GMDS: variants seen among roughly 807,000 people sequenced by gnomAD.
GMDS encodes the protein GDP-mannose 4,6 dehydratase.
GMDS carries 20 observed loss-of-function variants against 49.9 expected under a neutral mutation model. That is an observed-to-expected ratio of 0.40 (90% CI 0.28 to 0.58). GMDS has a LOEUF of 0.58. GMDS is among the 20% of genes least tolerant of loss of function. GMDS has a pLI of 0.42. For missense variants in GMDS, 362 were observed against 481.4 expected (o/e 0.75, Z 2.32); for synonymous variants, 177 against 178.6 (o/e 0.99, Z 0.07).
intron 9 of GMDS, among the ~76,000 whole-genome samples, chr6:1,696,806 G>A (rs1218931190): frequency 1.3e-5 from 2 of 152,238 alleles, no homozygotes; most frequent in Admixed American, 6.5e-5. Context: ...CAGAGGAAGG[G>A]ACGTGAGTGG....
At chr6:1,723,874 T>C (rs1766481617) in intron 9 of GMDS, among the ~76,000 whole-genome samples, 1 of 152,174 alleles carries the variant, frequency 6.6e-6, no homozygotes, top group African/African-American at 2.4e-5. Context: ...TCAGGACTCA[T>C]ACCAAATGGC....
intron 9 of GMDS, among the ~76,000 whole-genome samples, chr6:1,678,404 C>T (rs1764689450): frequency 6.6e-6 from 1 of 152,096 alleles, no homozygotes; most frequent in South Asian, 2.1e-4. Context: ...TTGTATCCAT[C>T]GATCTCTCAG....
chr6:1,656,904 T>C (rs4406277), intron 9 of GMDS, among the ~76,000 whole-genome samples: 149,140 of 152,218 alleles, frequency 0.98, 73,134 homozygotes, highest in East Asian at 1. Context: ...AGCAGCCTCT[T>C]CCCCAGGAGG....
At chr6:1,800,447 C>CT (rs1561812842) in intron 7 of GMDS, among the ~76,000 whole-genome samples, 2 of 151,830 alleles carry the variant, frequency 1.3e-5, no homozygotes, top group African/African-American at 2.4e-5. Flanking sequence ...CTTTTCTTTT[C>CT]TTTTTTTGAG....
At chr6:2,086,612 T>C (rs1773031123) in intron 4 of GMDS, among the ~76,000 whole-genome samples, 1 of 152,236 alleles carries the variant, frequency 6.6e-6, no homozygotes, top group Non-Finnish European at 1.5e-5. Context: ...CTCCCAGCTT[T>C]TACATACTTT....
At chr6:1,653,780 A>G (rs1351911235) in intron 9 of GMDS, among the ~76,000 whole-genome samples, 3 of 152,206 alleles carry the variant, frequency 2.0e-5, no homozygotes, top group African/African-American at 4.8e-5. Context: ...CTTACCTTAC[A>G]TCGTACATAA....
At chr6:1,848,796 C>T (rs1178394676) in intron 7 of GMDS, among the ~76,000 whole-genome samples, 1 of 152,130 alleles carries the variant, frequency 6.6e-6, no homozygotes, top group East Asian at 1.9e-4. Flanking sequence ...TGAGTGTAGG[C>T]ATCACCTAGG....
chr6:2,127,126 A>T (rs1319844900), intron 1 of GMDS, among the ~76,000 whole-genome samples: 1 of 152,198 alleles, frequency 6.6e-6, no homozygotes, highest in Non-Finnish European at 1.5e-5. Context: ...ACACTGACCA[A>T]TTCAGACCAT....
chr6:1,756,679 G>C (rs1038795170), intron 7 of GMDS, among the ~76,000 whole-genome samples: 1 of 152,234 alleles, frequency 6.6e-6, no homozygotes, highest in African/African-American at 2.4e-5. Context: ...GACTGACTGG[G>C]GCAGTGGGGC....
At chr6:1,796,454 T>C (rs1309090792) in intron 7 of GMDS, among the ~76,000 whole-genome samples, 3 of 152,118 alleles carry the variant, frequency 2.0e-5, no homozygotes, top group Non-Finnish European at 2.9e-5. Flanking sequence ...AGACTGCAAT[T>C]AGGTATACTG....
At chr6:1,666,975 C>T (rs1764257883) in intron 9 of GMDS, among the ~76,000 whole-genome samples, 1 of 152,216 alleles carries the variant, frequency 6.6e-6, no homozygotes, top group African/African-American at 2.4e-5. Context: ...CTAGGACCTT[C>T]ACAGTCTCCA....
At chr6:1,810,992 T>C (rs1770405162) in intron 7 of GMDS, among the ~76,000 whole-genome samples, 1 of 152,170 alleles carries the variant, frequency 6.6e-6, no homozygotes, top group Admixed American at 6.5e-5. Flanking sequence ...TCCTAGTTTT[T>C]TTTTTCCCTC....
At chr6:2,179,579 T>C (rs994413824) in intron 1 of GMDS, among the ~76,000 whole-genome samples, 1 of 152,178 alleles carries the variant, frequency 6.6e-6, no homozygotes, top group Non-Finnish European at 1.5e-5. Flanking sequence ...ATCTTGGAAG[T>C]AGAGAGCAGC....
intron 7 of GMDS, among the ~76,000 whole-genome samples, chr6:1,846,080 CTTTTTT>C (rs11298909): frequency 1.6e-5 from 2 of 121,650 alleles, no homozygotes; most frequent in Admixed American, 8.2e-5. Context: ...CACCATGTTT[CTTTTTT>C]TTTTTTTTTT....
intron 4 of GMDS, among the ~76,000 whole-genome samples, chr6:2,014,289 GAAAC>G (rs1462397076): frequency 6.6e-6 from 1 of 151,438 alleles, no homozygotes; most frequent in Non-Finnish European, 1.5e-5. Flanking sequence ...AAAAAAGAAA[GAAAC>G]AAGGGTAAAA....
intron 4 of GMDS, among the ~76,000 whole-genome samples, chr6:2,006,599 A>T (rs1767196670): frequency 6.6e-6 from 1 of 152,198 alleles, no homozygotes; most frequent in Non-Finnish European, 1.5e-5. Context: ...CTACAAATTA[A>T]TATTTTATAT....
chr6:1,992,933 A>C (rs776189048), intron 4 of GMDS, among the ~76,000 whole-genome samples: 1 of 152,204 alleles, frequency 6.6e-6, no homozygotes, highest in African/African-American at 2.4e-5. Flanking sequence ...CATCCCCTGC[A>C]CTTCCCACAA....
chr6:2,197,763 G>A (rs1259818199), intron 1 of GMDS, among the ~76,000 whole-genome samples: 1 of 152,178 alleles, frequency 6.6e-6, no homozygotes, highest in East Asian at 1.9e-4. Flanking sequence ...CAGCCGCCTT[G>A]TGAGAGAAAC....
chr6:1,705,053 T>C (rs1167749699), intron 9 of GMDS, among the ~76,000 whole-genome samples: 1 of 152,222 alleles, frequency 6.6e-6, no homozygotes, highest in Non-Finnish European at 1.5e-5. Context: ...GTTCTATAGA[T>C]AATTATTAAA....
Sources: gnomAD v4.1 joint callset for allele counts (sites outside exome capture counted in the v4.1 genomes callset) on GRCh38, gnomAD v4.1.1 for gene constraint, MANE v1.5 for transcripts, NCBI Gene and HGNC (gene_info 2026-07-23, HGNC 2026-07-21) for gene names.